Variants in TLK1 observed in about 807,000 individuals in gnomAD.
TLK1 encodes tousled like kinase 1.
TLK1 carries 24 observed loss-of-function variants against 105.3 expected under a neutral mutation model. The observed-to-expected ratio is 0.23, with a 90% CI of 0.17 to 0.32. TLK1 has a LOEUF of 0.32. Among genes scored for constraint, TLK1 ranks in the 10% least tolerant of loss-of-function variants. The pLI is 1.00. For synonymous variants in TLK1, 321 were observed against 310.4 expected (o/e 1.03, Z -0.36); for missense variants, 558 against 910.5 (o/e 0.61, Z 4.98).
intron 1 of TLK1, among the ~76,000 whole-genome samples, chr2:171,228,961 T>G (rs887030042): frequency 3.3e-5 from 5 of 152,224 alleles, no homozygotes; most frequent in African/African-American, 1.2e-4. Flanking sequence ...GAATTGGGCA[T>G]CTGACCTGGT....
At chr2:171,222,088 G>A (rs995264851) in intron 1 of TLK1, among the ~76,000 whole-genome samples, 4 of 152,162 alleles carry the variant, frequency 2.6e-5, no homozygotes, top group African/African-American at 9.7e-5. Flanking sequence ...TTTGAGTGAA[G>A]CTTTTAAATG....
At chr2:171,005,337 A>G (rs945641822) in intron 18 of TLK1, among the ~76,000 whole-genome samples, 2 of 152,248 alleles carry the variant, frequency 1.3e-5, no homozygotes, top group Non-Finnish European at 2.9e-5. Context: ...ATCTGTGATT[A>G]TATCTAAATT....
chr2:171,074,562 G>C (rs1688410852), intron 3 of TLK1, among the ~76,000 whole-genome samples: 1 of 151,312 alleles, frequency 6.6e-6, no homozygotes, highest in East Asian at 2.0e-4. Flanking sequence ...AGAAGGCAGT[G>C]GTTGCAGGGA....
chr2:171,133,825 A>C (rs73013436), intron 1 of TLK1, among the ~76,000 whole-genome samples: 1 of 151,586 alleles, frequency 6.6e-6, no homozygotes, highest in Non-Finnish European at 1.5e-5. Context: ...CCAAGTCTAA[A>C]CATAACATTT....
intron 1 of TLK1, among the ~76,000 whole-genome samples, chr2:171,125,988 A>T (rs972808949): frequency 1.7e-4 from 26 of 152,280 alleles, no homozygotes; most frequent in African/African-American, 5.1e-4. Context: ...AATTTTCTGG[A>T]AAAAAAGTAA....
At position 171,011,434 on chromosome 2, in the gene TLK1, A is replaced by C. The variant is rs1175649662; in HGVS notation, c.1355T>G (p.Leu452Ter). ...ATGAAGTAATAAATATCTTTCATTT[A>C]ATGTTGGGTGATCTTTGAACCTTAG... ...DNSQFKDHPT[L>*]NERYLLLHLL... The change falls in exon 14 of 21, where the codon TTA becomes TGA. Residue 452 changes from leucine to a stop codon, truncating the protein, a stop_gained. Coordinates refer to ENST00000431350, the MANE Select transcript of TLK1 (RefSeq NM_012290.5). LOFTEE classifies it high-confidence loss of function. 1 of 1,613,394 alleles carries C rather than the reference A, an allele frequency of 6.2e-7. No individual in the cohort carries two copies. Among genetic ancestry groups the C allele is most frequent in the Non-Finnish European group, 8.5e-7 (1 of 1,179,616 alleles).
intron 1 of TLK1, among the ~76,000 whole-genome samples, chr2:171,196,732 A>C (rs1331890369): frequency 6.6e-6 from 1 of 152,248 alleles, no homozygotes; most frequent in African/African-American, 2.4e-5. Context: ...ATCTGAAGGC[A>C]GCAGTCTGGA....
At chr2:171,179,224 A>G (rs1692885038) in intron 1 of TLK1, among the ~76,000 whole-genome samples, 1 of 152,250 alleles carries the variant, frequency 6.6e-6, no homozygotes, top group African/African-American at 2.4e-5. Context: ...AGTTGTAATG[A>G]GTCATCCCTG....
intron 1 of TLK1, among the ~76,000 whole-genome samples, chr2:171,156,549 G>A (rs559224863): frequency 5.3e-5 from 8 of 152,258 alleles, no homozygotes; most frequent in African/African-American, 7.2e-5. Context: ...TCAAACCTCC[G>A]TTCTGGTTTC....
chr2:171,027,808 A>G (rs1685847895), intron 12 of TLK1, among the ~76,000 whole-genome samples: 6 of 152,216 alleles, frequency 3.9e-5, no homozygotes, highest in Admixed American at 3.9e-4. Context: ...GTGTGTCACC[A>G]TCTCAAGATT....
rs1558913717 is a variant in TLK1, at chr2:171,056,498, T to C, written c.522A>G (p.Ser174=). ...ATGAGGAAGGAGTGGAATGTGAATG[T>C]GAATTTTGAGGAGAACGGATTGCAG... ...IPPAIRSPQN[S]HSHSTPSSSV... Residue 174 remains serine, a synonymous_variant, in exon 6 of 21, where the codon TCA becomes TCG. Coordinates refer to ENST00000431350, the MANE Select transcript of TLK1 (RefSeq NM_012290.5). 1 of 1,611,914 alleles carries C rather than the reference T, an allele frequency of 6.2e-7. No homozygotes were observed. The highest frequency in any genetic ancestry group is 8.5e-7 in the Non-Finnish European group (1 of 1,179,018).
intron 1 of TLK1, among the ~76,000 whole-genome samples, chr2:171,210,721 CACCTAGAG>C (rs1693598508): frequency 1.3e-5 from 2 of 152,270 alleles, no homozygotes; most frequent in South Asian, 4.1e-4. Flanking sequence ...ATATCTGAAC[CACCTAGAG>C]ACTAAACTAA....
rs1197994264 is a variant in TLK1, at chr2:171,003,250, G to A, written c.1904+2897C>T. Among the ~76,000 whole-genome samples, 8 of 127,382 alleles carry A rather than the reference G, an allele frequency of 6.3e-5. No individual in the cohort carries two copies. In the Admixed American group the frequency reaches 7.3e-4, roughly 12 times the overall value. The allele number at this position is 127,382 out of a possible 152,430, so 83.6% of individuals were successfully genotyped here. A position where few individuals can be genotyped will look rare whatever the true frequency, so the allele number is the denominator to read the frequency against. On this transcript the variant is annotated intron_variant, in intron 18 of 20. Transcript: ENST00000431350. ...GATCGCACCACTGCACTCCAGCCTG[G>A]GCGACAGAGCAAGACTCCGTCTCAA... is the stretch of plus-strand genomic sequence containing the variant.
Position 171,160,193 on chromosome 2 carries a change from G to T in TLK1, c.139+97C>A. On this transcript the variant is annotated intron_variant, in intron 1 of 20. Transcript: ENST00000431350. This position sits in a 1 kb window ranked among gnomAD's most constrained non-coding sequence, Gnocchi z 4.4. Reference sequence around the variant, plus strand: ...ACCATCCCCCACCCCAGGGTCTGGCGGAGAAGCCCCGGGGCGGGGGGGGCG... The same window carrying T: ...ACCATCCCCCACCCCAGGGTCTGGCTGAGAAGCCCCGGGGCGGGGGGGGCG... The T allele has an allele frequency of 1.6e-6, 2 of 1,218,602 alleles. No individual in the cohort carries two copies. The highest frequency in any genetic ancestry group is 5.7e-5 in the South Asian group (2 of 35,336). The allele number at this position is 1,218,602 out of a possible 1,614,324, so 75.5% of individuals were successfully genotyped here.
chr2:171,048,394 A>C (rs916515689), intron 10 of TLK1, among the ~76,000 whole-genome samples: 1 of 152,216 alleles, frequency 6.6e-6, no homozygotes, highest in Non-Finnish European at 1.5e-5. Flanking sequence ...TCTTGCTCAT[A>C]AACACTAAAA....
At chr2:171,111,067 G>T (rs1690137303) in intron 2 of TLK1, among the ~76,000 whole-genome samples, 1 of 151,006 alleles carries the variant, frequency 6.6e-6, no homozygotes, top group African/African-American at 2.4e-5. Flanking sequence ...AAAGGGAGAA[G>T]AAAAAAACAG....
At chr2:171,194,252 C>T (rs1401060769) in intron 1 of TLK1, among the ~76,000 whole-genome samples, 1 of 152,116 alleles carries the variant, frequency 6.6e-6, no homozygotes, top group Non-Finnish European at 1.5e-5. Context: ...TATAATTGTG[C>T]CATTTGTGGA....
chr2:171,104,081 G>A (rs1689811628), intron 2 of TLK1, among the ~76,000 whole-genome samples: 2 of 152,158 alleles, frequency 1.3e-5, no homozygotes, highest in Non-Finnish European at 2.9e-5. Flanking sequence ...TTTGAGACCA[G>A]CCTGGCCAGC....
In TLK1 at chr2:170,993,528, T is replaced by TGTAACA; in HGVS notation, c.*246_*251dup. On this transcript the variant is annotated 3_prime_UTR_variant, in exon 21 of 21. Transcript: ENST00000431350. ...TCTTAACATGGTATTCCTGTTTCTGTGTAACAGGCAGTCATCCTTCCTTCA... is the reference window on the plus strand; with the variant it reads ...TCTTAACATGGTATTCCTGTTTCTGTGTAACAGTAACAGGCAGTCATCCTTCCTTCA... The TGTAACA allele has an allele frequency of 2.9e-6, 1 of 343,526 alleles. No individual in the cohort carries two copies. The highest frequency in any genetic ancestry group is 5.1e-6 in the Non-Finnish European group (1 of 194,442). 21.3% of individuals were successfully genotyped at this position (343,526 alleles called of 1,614,324 possible).
Sources: allele counts gnomAD v4.1 joint callset (sites outside exome capture counted in the v4.1 genomes callset), GRCh38; gene constraint gnomAD v4.1.1; non-coding constraint Gnocchi (gnomAD v3.1); transcripts MANE v1.5; gene names NCBI Gene and HGNC (gene_info 2026-07-23, HGNC 2026-07-21).